GALC: variants seen among roughly 807,000 people sequenced by gnomAD.
The protein encoded by GALC is galactocerebrosidase.
A neutral mutation model predicts 91.8 loss-of-function variants in GALC; 77 were observed. The ratio of observed to expected loss-of-function variants is 0.84; its 90% CI spans 0.70 to 1.01. The LOEUF is 1.01. Among genes scored for constraint, GALC ranks in the 50% least tolerant of loss-of-function variants. GALC has a pLI of 0.00. For missense variants in GALC, 882 were observed against 855.9 expected (o/e 1.03, Z -0.38); for synonymous variants, 357 against 306.7 (o/e 1.16, Z -1.71).
In GALC at chr14:87,943,869, G is replaced by A. The variant is rs542885561; in HGVS notation, c.1670+1684C>T. ...CTGGAAAATAACACATAATAGATGA[G>A]ACCAAATTATAAAGGGTCTTGGAAA... On this transcript the variant is annotated intron_variant, in intron 14 of 16. Coordinates refer to ENST00000261304, the MANE Select transcript of GALC (RefSeq NM_000153.4). 3.9e-5 allele frequency among the ~76,000 whole-genome samples: 6 copies of A among 152,064 alleles called. No homozygotes were observed. The South Asian group carries it at 1.2e-3, about 31-fold the overall frequency.
Position 87,984,376 on chromosome 14 carries a change from T to A in GALC, c.582+18A>T, listed in dbSNP as rs762546320. On this transcript the variant is annotated intron_variant, in intron 5 of 16. Coordinates refer to ENST00000261304, the MANE Select transcript of GALC (RefSeq NM_000153.4). ...ACAAATGTCCAAAACTGAATCATAT[T>A]TTAAATATATTACTAACTCCAATAT... 8.7e-6 allele frequency: 14 copies of A among 1,600,112 alleles called. No individual in the cohort carries two copies. The South Asian group carries it at 1.6e-4, about 18-fold the overall frequency.
chr14:87,968,534 G>A (rs781454844), intron 7 of GALC, 44 bp from the exon 8 acceptor site: 14 of 1,579,900 alleles, frequency 8.9e-6, no homozygotes, highest in Admixed American at 3.3e-5. Flanking sequence ...AGGTCACGAC[G>A]TGGCACTTAT....
chr14:87,987,265 C>T (rs577864538), intron 3 of GALC, among the ~76,000 whole-genome samples: 31 of 152,266 alleles, frequency 2.0e-4, no homozygotes, highest in African/African-American at 6.7e-4. Context: ...GAGGCCCTTG[C>T]CCATTTCTTC....
chr14:87,933,957 A>G lies in GALC; in HGVS notation c.*775T>C, dbSNP rs768959513. 5.9e-6 allele frequency: 9 copies of G among 1,529,636 alleles called. No homozygotes were observed. The South Asian group carries it at 1.1e-4, about 18-fold the overall frequency. 94.8% of individuals were successfully genotyped at this position (1,529,636 alleles called of 1,614,324 possible). ...GAGATGAGGCTGAGGAAACGACTAC[A>G]ACAGCATTGGCTATATCAGGTTTTC... On this transcript the variant is annotated 3_prime_UTR_variant, in exon 17 of 17. Coordinates refer to ENST00000261304, the MANE Select transcript of GALC (RefSeq NM_000153.4).
rs1184434539 is a variant in GALC, at chr14:87,993,093, C to A, written c.72G>T (p.Ala24=). ...GCAGCAAGGGCACCGCGGCGCGGCCCGCCGAACCCGCGGCCGCAGTCATAG... is the reference window on the plus strand; with the variant it reads ...GCAGCAAGGGCACCGCGGCGCGGCCAGCCGAACCCGCGGCCGCAGTCATAG... The part of the protein sequence containing the change: ...AKAMTAAAGS[A]GRAAVPLLLC... The change falls in exon 1 of 17, where the codon GCG becomes GCT. Residue 24 remains alanine, a synonymous_variant. Coordinates refer to ENST00000261304, the MANE Select transcript of GALC (RefSeq NM_000153.4). 6.3e-7 allele frequency: 1 copy of A among 1,585,758 alleles called. No individual in the cohort carries two copies. Among genetic ancestry groups the A allele is most frequent in the South Asian group, 1.1e-5 (1 of 87,614 alleles).
chr14:87,950,774 A>G (rs753714214), intron 10 of GALC, 26 bp from the exon 11 acceptor site: 10 of 1,477,418 alleles, frequency 6.8e-6, no homozygotes, highest in African/African-American at 1.4e-5. Context: ...CACATACATT[A>G]TCCAAATGAT....
chr14:87,976,250 G>T, intron 7 of GALC, 108 bp downstream of exon 7: 1 of 1,171,382 alleles, frequency 8.5e-7, no homozygotes, highest in Non-Finnish European at 1.3e-6. Context: ...ATACAGGAGA[G>T]CTACCTTCTG....
At chr14:87,993,403 T>C, upstream of GALC, 1 of 1,535,846 alleles carries the variant, frequency 6.5e-7, no homozygotes, top group Non-Finnish European at 8.7e-7. Context: ...TCTTCCGGCG[T>C]CACCTGGTGG....
In GALC at chr14:87,979,560, AAC is replaced by A. The variant is rs1367673668; in HGVS notation, c.621+2643_621+2644del. Among the ~76,000 whole-genome samples, 14 of 152,350 alleles carry A rather than the reference AAC, an allele frequency of 9.2e-5. No homozygotes were observed. The East Asian group carries it at 2.7e-3, about 29-fold the overall frequency. Reference sequence around the variant, plus strand: ...TGAATTAGAATGCACTGGAGTCAGCAACAGACTCTTAATAGTAAAAAAGTTCA... The same window carrying A: ...TGAATTAGAATGCACTGGAGTCAGCAAGACTCTTAATAGTAAAAAAGTTCA... On this transcript the variant is annotated intron_variant, in intron 6 of 16. Coordinates refer to ENST00000261304, the MANE Select transcript of GALC (RefSeq NM_000153.4).
chr14:87,970,246 T>G (rs1396417054), intron 7 of GALC, among the ~76,000 whole-genome samples: 1 of 152,174 alleles, frequency 6.6e-6, no homozygotes, highest in East Asian at 1.9e-4. Flanking sequence ...TTGGTGTATT[T>G]GGTTAAAATA....
intron 6 of GALC, among the ~76,000 whole-genome samples, chr14:87,979,552 G>C (rs1886650640): frequency 6.6e-6 from 1 of 152,148 alleles, no homozygotes. Context: ...GAATGCACTG[G>C]AGTCAGCAAC....
Position 87,933,812 on chromosome 14 carries a change from A to G in GALC, c.*920T>C, listed in dbSNP as rs1338452274. On this transcript the variant is annotated 3_prime_UTR_variant, in exon 17 of 17. Transcript: ENST00000261304. ...TAAGTACATCTTAGGAGATGATCCA[A>G]TTCTGGGAGTTAGCAAATGTCTAAG... The G allele has an allele frequency of 1.0e-5, 6 of 575,452 alleles. No homozygotes were observed. The highest frequency in any genetic ancestry group is 6.0e-5 in the Admixed American group (2 of 33,084). 35.6% of individuals were successfully genotyped at this position (575,452 alleles called of 1,614,324 possible).
chr14:87,949,944 G>C lies in GALC; in HGVS notation c.1252-13C>G. 6 of 1,393,140 alleles carry C rather than the reference G, an allele frequency of 4.3e-6. 1 individual carries two copies. The highest frequency in any genetic ancestry group is 1.2e-5 in the South Asian group (1 of 86,232). The allele number at this position is 1,393,140 out of a possible 1,614,324, so 86.3% of individuals were successfully genotyped here. A position where few individuals can be genotyped will look rare whatever the true frequency, so the allele number is the denominator to read the frequency against. ...CTGGTATTTCACTCTGTAAAGAAAA[G>C]ACAAAAAAGCATGGCTGAGTAATTC... On this transcript the variant is annotated splice_polypyrimidine_tract_variant and intron_variant, in intron 11 of 16. Coordinates refer to ENST00000261304, the MANE Select transcript of GALC (RefSeq NM_000153.4).
upstream of GALC, chr14:87,993,523 G>A (rs1196355202): frequency 1.3e-6 from 2 of 1,504,362 alleles, no homozygotes; most frequent in Admixed American, 3.9e-5. Context: ...TACCTCGTGC[G>A]AGGACCAGGC....
intron 1 of GALC, among the ~76,000 whole-genome samples, chr14:87,990,794 CA>C (rs1887167272): frequency 6.6e-6 from 1 of 152,158 alleles, no homozygotes; most frequent in African/African-American, 2.4e-5. Context: ...GCAATATAAC[CA>C]AATGTTAAAA....
chr14:87,963,801 CA>C (rs1566989192), intron 9 of GALC, among the ~76,000 whole-genome samples: 1 of 151,856 alleles, frequency 6.6e-6, no homozygotes, highest in Admixed American at 6.6e-5. Flanking sequence ...ATTCCCCCCC[CA>C]AACTTGGTTC....
chr14:87,936,580 A>G (rs182756645), intron 16 of GALC, among the ~76,000 whole-genome samples: 2 of 151,996 alleles, frequency 1.3e-5, no homozygotes, highest in African/African-American at 4.8e-5. Flanking sequence ...AGAAGAATAT[A>G]TGCTCTAAGA....
intron 14 of GALC, among the ~76,000 whole-genome samples, chr14:87,944,238 T>A (rs1032597441): frequency 1.3e-5 from 2 of 151,930 alleles, no homozygotes; most frequent in African/African-American, 4.8e-5. Flanking sequence ...TATACTACAA[T>A]TAAGGGGCTT....
intron 15 of GALC, among the ~76,000 whole-genome samples, 185 bp downstream of exon 15, chr14:87,941,210 T>A (rs924787737): frequency 2.6e-5 from 4 of 151,804 alleles, no homozygotes; most frequent in Admixed American, 6.6e-5. Context: ...GCTGCCCCCA[T>A]CTCTAGGAAT....
Sources: allele counts gnomAD v4.1 joint callset (sites outside exome capture counted in the v4.1 genomes callset), GRCh38; gene constraint gnomAD v4.1.1; transcripts MANE v1.5; gene names NCBI Gene and HGNC (gene_info 2026-07-23, HGNC 2026-07-21).